ABCB4: variants seen among roughly 807,000 people sequenced by gnomAD.
ABCB4 encodes the protein ATP binding cassette subfamily B member 4.
A neutral mutation model predicts 145.7 loss-of-function variants in ABCB4; 76 were observed. The ratio of observed to expected loss-of-function variants is 0.52; its 90% confidence interval spans 0.43 to 0.63. The LOEUF is 0.63. ABCB4 is among the 30% of genes least tolerant of loss of function. ABCB4 has a pLI of 0.00. For missense variants in ABCB4, 1,234 were observed against 1,553.1 expected, an observed-to-expected ratio of 0.79 and a Z score of 3.45; for synonymous variants, 517 against 566.8, an observed-to-expected ratio of 0.91 and a Z score of 1.25.
At chr7:87,387,234 T>C in the ABCB4 span, among the ~76,000 whole-genome samples, 1 of 152,062 alleles carries the variant, frequency 6.6e-6, no homozygotes, top group African/African-American at 2.4e-5. Context: ...TCTGCCATTA[T>C]GGTAACATGA....
At chr7:87,471,941 A>C (rs1042800235) in intron 3 of ABCB4, among the ~76,000 whole-genome samples, 4 of 152,186 alleles carry the variant, frequency 2.6e-5, no homozygotes, top group African/African-American at 9.7e-5. Flanking sequence ...ACTTTCTTGA[A>C]ATGCAAGCTT....
chr7:87,375,476 A>C, the ABCB4 span: 1 of 565,242 alleles, frequency 1.8e-6, no homozygotes, highest in Non-Finnish European at 3.1e-6. Flanking sequence ...CACTTAAAAA[A>C]ATATGTGATG....
chr7:87,378,543 G>T, the ABCB4 span, among the ~76,000 whole-genome samples: 1 of 152,082 alleles, frequency 6.6e-6, no homozygotes, highest in Non-Finnish European at 1.5e-5. Flanking sequence ...GCTTTCTTTT[G>T]TTTGGCCTCA....
chr7:87,433,989 G>C (rs895833215), intron 14 of ABCB4, among the ~76,000 whole-genome samples: 10 of 151,646 alleles, frequency 6.6e-5, no homozygotes, highest in Non-Finnish European at 1.3e-4. Context: ...GAATGCAGTG[G>C]CATGATCTTG....
rs577129521 is a variant in ABCB4 at position 87,474,941 on chromosome 7, A to G, written c.80+445T>C. On this transcript the variant is annotated intron_variant, in intron 2 of 27. Transcript: ENST00000649586. Reference sequence around the variant, plus strand: ...CAAGGAGGAAGAGACATAACAGGGGATGGGCAGGAGGGGAGGGAGTTTTTG... The same window carrying G: ...CAAGGAGGAAGAGACATAACAGGGGGTGGGCAGGAGGGGAGGGAGTTTTTG... 6.2e-4 allele frequency among the ~76,000 whole-genome samples: 95 copies of G among 152,264 alleles called. 1 individual carries two copies. The highest frequency in any genetic ancestry group is 1.2e-3 in the Non-Finnish European group (81 of 68,008).
At chr7:87,404,898 A>G (rs1293999143) in intron 26 of ABCB4, among the ~76,000 whole-genome samples, 2 of 152,346 alleles carry the variant, frequency 1.3e-5, no homozygotes, top group South Asian at 2.1e-4. Flanking sequence ...GAGAAACTAC[A>G]TCACTTACAC....
intron 4 of ABCB4, among the ~76,000 whole-genome samples, chr7:87,462,296 G>A (rs1002286073): frequency 6.6e-6 from 1 of 152,090 alleles, no homozygotes; most frequent in East Asian, 1.9e-4. Flanking sequence ...CAAAATTAGA[G>A]ACAGAAAATG....
Position 87,422,115 on chromosome 7 carries a change from A to G in ABCB4, c.2316+6T>C. The G allele has an allele frequency of 6.4e-7, 1 of 1,574,342 alleles. No homozygotes were observed. Among genetic ancestry groups the G allele is most frequent in the Non-Finnish European group, 8.7e-7 (1 of 1,146,196 alleles). On this transcript the variant is annotated splice_donor_region_variant and intron_variant, in intron 18 of 27. Transcript: ENST00000649586. The stretch of plus-strand genomic sequence containing the variant: ...TTGATGAGAAAGGCAAATCATGGGT[A>G]CCTACCTGAAGGAAGAAAGTAAAAA...
the ABCB4 span, chr7:87,391,535 T>C: frequency 4.6e-6 from 7 of 1,524,036 alleles, no homozygotes; most frequent in South Asian, 7.5e-5. Context: ...ATATCTGTAA[T>C]GATATTAGAG....
chr7:87,440,531 A>C (rs1195655140), intron 12 of ABCB4, 129 bp from the exon 13 acceptor site: 1 of 754,838 alleles, frequency 1.3e-6, no homozygotes, highest in Admixed American at 2.8e-5. Context: ...ATTAGAAATA[A>C]ACAGCAATAT....
chr7:87,401,342 T>C (rs2116285584), downstream of ABCB4, among the ~76,000 whole-genome samples: 1 of 152,310 alleles, frequency 6.6e-6, no homozygotes, highest in African/African-American at 2.4e-5. Flanking sequence ...TTGTCTATAT[T>C]TTTTGCTTTC....
At chr7:87,378,985 CT>C in the ABCB4 span, among the ~76,000 whole-genome samples, 5 of 152,160 alleles carry the variant, frequency 3.3e-5, no homozygotes, top group Non-Finnish European at 1.5e-5. Context: ...TTTACTCTTC[CT>C]TTGAGTCTAC....
Position 87,424,218 on chromosome 7 carries a change from A to G in ABCB4, c.2065-166T>C, listed in dbSNP as rs147144746. Among the ~76,000 whole-genome samples the G allele has an allele frequency of 1.4e-3, 216 of 152,278 alleles. 1 individual carries two copies. Among genetic ancestry groups the G allele is most frequent in the African/African-American group, 5.1e-3 (214 of 41,574 alleles). On this transcript the variant is annotated intron_variant, in intron 16 of 27. Transcript: ENST00000649586. ...GGACAGTATATTATAACATGTTAAC[A>G]ATGTTTACTGATTACACATCATAAG...
chr7:87,425,441 T>A (rs1809740398), intron 16 of ABCB4, among the ~76,000 whole-genome samples: 1 of 152,182 alleles, frequency 6.6e-6, no homozygotes, highest in African/African-American at 2.4e-5. Flanking sequence ...TTTCTATAAA[T>A]ATACCAAGAT....
At chr7:87,375,717 T>C in the ABCB4 span, 9 of 1,613,248 alleles carry the variant, frequency 5.6e-6, no homozygotes, top group Admixed American at 1.7e-5. Flanking sequence ...GCGAACTCGA[T>C]GGGCTAAGGT....
At chr7:87,399,743 T>C (rs1807698339), downstream of ABCB4, 1 of 152,246 alleles carries the variant, frequency 6.6e-6, no homozygotes, top group Non-Finnish European at 1.5e-5. Context: ...AATGAAATTC[T>C]CAAAATTATA....
chr7:87,372,007 C>CAAAAAAAAAAAAAAAAAAAAAAAAAAA, the ABCB4 span, among the ~76,000 whole-genome samples: 1 of 124,002 alleles, frequency 8.1e-6, no homozygotes, highest in Non-Finnish European at 1.7e-5. Flanking sequence ...AAAAAAAAAA[C>CAAAAAAAAAAAAAAAAAAAAAAAAAAA]AAAAAAAAAA....
chr7:87,390,501 T>C, the ABCB4 span, among the ~76,000 whole-genome samples: 4 of 152,206 alleles, frequency 2.6e-5, no homozygotes, highest in Admixed American at 1.3e-4. Context: ...TTTGAAGGGA[T>C]ACCATTTCAC....
At chr7:87,420,488 G>T (rs1809340995) in intron 18 of ABCB4, among the ~76,000 whole-genome samples, 1 of 152,142 alleles carries the variant, frequency 6.6e-6, no homozygotes, top group African/African-American at 2.4e-5. Context: ...TGGGAACTAA[G>T]CTCTGTGAGC....
Sources: gnomAD v4.1 joint callset for allele counts (sites outside exome capture counted in the v4.1 genomes callset) on GRCh38, gnomAD v4.1.1 for gene constraint, MANE v1.5 for transcripts, NCBI Gene and HGNC (gene_info 2026-07-23, HGNC 2026-07-21) for gene names.